The following CAST variants were observed in gnomAD, a reference collection of about 807,000 sequenced individuals.
CAST encodes the protein calpastatin, also known as MIR583 host.
CAST carries 76 observed loss-of-function variants against 119.6 expected under a neutral mutation model. That is an observed-to-expected ratio of 0.64 (90% confidence interval 0.53 to 0.77). The LOEUF (loss-of-function observed/expected upper bound fraction) is 0.77, where lower values mean the gene tolerates loss of function less well. Ranked by LOEUF, CAST falls within the 30% of genes least tolerant of loss-of-function variation. The pLI, the probability that CAST is intolerant of heterozygous loss-of-function variation, is 0.00. For synonymous variants in CAST, 319 were observed against 331.6 expected (o/e 0.96, Z 0.41); for missense variants, 953 against 946.5 (o/e 1.01, Z -0.09).
the CAST span, among the ~76,000 whole-genome samples, chr5:96,191,737 T>G: frequency 3.3e-5 from 5 of 152,160 alleles, no homozygotes; most frequent in Admixed American, 3.3e-4. Flanking sequence ...ACCCAGCTAA[T>G]TTTTGTATTT....
chr5:96,458,491 AG>A, the CAST span, among the ~76,000 whole-genome samples: 1 of 152,220 alleles, frequency 6.6e-6, no homozygotes, highest in Admixed American at 6.5e-5. Flanking sequence ...GTTTTTGCCA[AG>A]GAAAGACACA....
the CAST span, among the ~76,000 whole-genome samples, chr5:96,138,181 T>C: frequency 6.6e-6 from 1 of 151,998 alleles, no homozygotes; most frequent in Non-Finnish European, 1.5e-5. Flanking sequence ...CGTATGAATT[T>C]AGGTTCTTTT....
chr5:96,636,551 A>AT (rs60522079), intron 1 of CAST, among the ~76,000 whole-genome samples: 2 of 151,764 alleles, frequency 1.3e-5, no homozygotes, highest in Non-Finnish European at 2.9e-5. Context: ...GCAAAAAAAA[A>AT]TGATAAAATT....
At chr5:96,735,243 G>A (rs757947990) in intron 9 of CAST, among the ~76,000 whole-genome samples, 3 of 152,236 alleles carry the variant, frequency 2.0e-5, no homozygotes, top group Admixed American at 6.5e-5. Flanking sequence ...TATCTCCAAG[G>A]AGAAGTGACT....
chr5:96,631,813 T>A (rs948710710), intron 1 of CAST, among the ~76,000 whole-genome samples: 2 of 152,138 alleles, frequency 1.3e-5, no homozygotes, highest in African/African-American at 4.8e-5. Context: ...ATTACAGGCG[T>A]GAGCCACTGC....
the CAST span, among the ~76,000 whole-genome samples, chr5:96,217,503 A>C: frequency 6.6e-6 from 1 of 152,154 alleles, no homozygotes; most frequent in Non-Finnish European, 1.5e-5. Context: ...GTAAGGTACC[A>C]GCCATTTTTC....
chr5:96,251,193 C>A, the CAST span, among the ~76,000 whole-genome samples: 1 of 152,164 alleles, frequency 6.6e-6, no homozygotes, highest in African/African-American at 2.4e-5. Context: ...TACAAATCTG[C>A]AAATGTAGTA....
chr5:96,474,742 G>T, the CAST span, among the ~76,000 whole-genome samples: 1 of 152,048 alleles, frequency 6.6e-6, no homozygotes, highest in Admixed American at 6.5e-5. Flanking sequence ...GATCCTTCTG[G>T]CTGCATGGTA....
chr5:96,075,318 A>T, the CAST span, among the ~76,000 whole-genome samples: 1 of 152,198 alleles, frequency 6.6e-6, no homozygotes, highest in African/African-American at 2.4e-5. Context: ...CTGCTTTTAA[A>T]GATATACACC....
chr5:96,286,302 A>C, the CAST span, among the ~76,000 whole-genome samples: 1 of 152,210 alleles, frequency 6.6e-6, no homozygotes, highest in Non-Finnish European at 1.5e-5. Context: ...AAGGTAGCTG[A>C]CCTATAGAAA....
At chr5:96,566,635 G>A (rs1300136407) in intron 1 of CAST, among the ~76,000 whole-genome samples, 1 of 152,194 alleles carries the variant, frequency 6.6e-6, no homozygotes, top group Non-Finnish European at 1.5e-5. Flanking sequence ...ACTACAGGGT[G>A]TTGCAAAGCA....
At chr5:96,685,022 C>T (rs1751913755) in intron 2 of CAST, among the ~76,000 whole-genome samples, 1 of 151,206 alleles carries the variant, frequency 6.6e-6, no homozygotes, top group African/African-American at 2.4e-5. Context: ...AACAACTGAA[C>T]ACTTTGCCTC....
chr5:96,491,490 C>CAAAAAAAAAAAAAAAAAAAAAAAA, the CAST span, among the ~76,000 whole-genome samples: 2 of 56,790 alleles, frequency 3.5e-5, no homozygotes, highest in African/African-American at 5.5e-5. Flanking sequence ...GACTCCATCT[C>CAAAAAAAAAAAAAAAAAAAAAAAA]AAAAAAAAAA....
the CAST span, among the ~76,000 whole-genome samples, chr5:96,018,631 G>A: frequency 6.6e-6 from 1 of 152,164 alleles, no homozygotes; most frequent in Non-Finnish European, 1.5e-5. Flanking sequence ...CAACATTTCA[G>A]TATTTGGGGA....
chr5:96,605,661 C>T (rs261212), intron 1 of CAST, among the ~76,000 whole-genome samples: 82,552 of 151,884 alleles, frequency 0.54, 22,446 homozygotes, highest in African/African-American at 0.59. Context: ...AGCTGAATTC[C>T]TCTGGAGTGT....
chr5:96,000,677 A>G, the CAST span, among the ~76,000 whole-genome samples: 1 of 152,142 alleles, frequency 6.6e-6, no homozygotes, highest in African/African-American at 2.4e-5. Flanking sequence ...AAATCAAGGG[A>G]GTGGCTTTGT....
intron 1 of CAST, among the ~76,000 whole-genome samples, chr5:96,590,474 A>G (rs1746943940): frequency 6.6e-6 from 1 of 151,928 alleles, no homozygotes; most frequent in Admixed American, 6.6e-5. Flanking sequence ...CTTGGCCAGA[A>G]CCCCCCAGAG....
the CAST span, among the ~76,000 whole-genome samples, chr5:96,118,795 C>T: frequency 6.6e-6 from 1 of 151,864 alleles, no homozygotes; most frequent in Non-Finnish European, 1.5e-5. Flanking sequence ...GGCTTTTTCC[C>T]CTGAGGTACT....
the CAST span, among the ~76,000 whole-genome samples, chr5:96,118,914 A>G: frequency 1.3e-5 from 2 of 151,922 alleles, no homozygotes; most frequent in African/African-American, 4.8e-5. Flanking sequence ...TCAGCAGGGC[A>G]GTCTCACCCT....
Sources: gnomAD v4.1 joint callset for allele counts (sites outside exome capture counted in the v4.1 genomes callset) on GRCh38, gnomAD v4.1.1 for gene constraint, MANE v1.5 for transcripts, NCBI Gene and HGNC (gene_info 2026-07-23, HGNC 2026-07-21) for gene names.